Variants in ERBB4 observed in about 807,000 individuals in gnomAD.
ERBB4 encodes the protein receptor tyrosine-protein kinase erbB-4.
In ERBB4, 42 loss-of-function variants were observed where a neutral mutation model predicts 158.0. That is an observed-to-expected ratio of 0.27 (90% confidence interval 0.21 to 0.34). The LOEUF (loss-of-function observed/expected upper bound fraction) is 0.34. ERBB4 is among the 10% of genes least tolerant of loss of function. ERBB4 has a pLI of 1.00. For synonymous variants in ERBB4, 583 were observed against 558.7 expected (o/e 1.04, Z -0.61); for missense variants, 1,333 against 1,624.1 (o/e 0.82, Z 3.08).
At chr2:211,820,621 C>G in intron 3 of ERBB4, among the ~76,000 whole-genome samples, 1 of 151,714 alleles carries the variant, frequency 6.6e-6, no homozygotes, top group East Asian at 1.9e-4. Context: ...TAGGCAAAGA[C>G]ACAGTAAAAC....
chr2:212,177,724 G>A (rs2081717061), intron 1 of ERBB4, among the ~76,000 whole-genome samples: 1 of 151,870 alleles, frequency 6.6e-6, no homozygotes, highest in Non-Finnish European at 1.5e-5. Context: ...ACAGTTGTGA[G>A]CAAATCATAT....
At chr2:211,439,282 A>G (rs1461455177) in intron 20 of ERBB4, among the ~76,000 whole-genome samples, 3 of 152,196 alleles carry the variant, frequency 2.0e-5, no homozygotes, top group Admixed American at 2.0e-4. Flanking sequence ...TACTGATGCC[A>G]GGCAAATTTC....
chr2:212,471,160 G>C (rs1215470732), intron 1 of ERBB4, among the ~76,000 whole-genome samples: 1 of 151,970 alleles, frequency 6.6e-6, no homozygotes, highest in Non-Finnish European at 1.5e-5. Context: ...GATTGAAGTG[G>C]TGCCTTTGTC....
chr2:211,571,041 C>CTTTTTTTTTTTT (rs549254649), intron 19 of ERBB4, among the ~76,000 whole-genome samples: 28 of 109,076 alleles, frequency 2.6e-4, no homozygotes, highest in African/African-American at 9.9e-4. Context: ...TACTCTTCTT[C>CTTTTTTTTTTTT]TTTTTTTTTT....
In ERBB4 at chr2:211,942,624, T is replaced by C. The variant is rs372583161; in HGVS notation, c.421+4806A>G. On this transcript the variant is annotated intron_variant, in intron 3 of 27. Coordinates refer to ENST00000342788, the MANE Select transcript of ERBB4 (RefSeq NM_005235.3). ...TCGGTATTCTACTTTTTGTTTTAAA[T>C]TTTTGTTTGTCCATACCTCAGATAA... Among the ~76,000 whole-genome samples the C allele has an allele frequency of 8.8e-4, 134 of 152,252 alleles. 3 individuals carry two copies. In the South Asian group the frequency reaches 0.025, roughly 28 times the overall value.
intron 1 of ERBB4, among the ~76,000 whole-genome samples, chr2:212,283,099 C>T (rs918113468): frequency 4.6e-5 from 7 of 151,846 alleles, no homozygotes; most frequent in Non-Finnish European, 2.9e-5. Context: ...AATCTCAGGG[C>T]ATTAACTGCT....
intron 3 of ERBB4, among the ~76,000 whole-genome samples, chr2:211,906,248 C>CT (rs1342736783): frequency 6.6e-6 from 1 of 151,998 alleles, no homozygotes; most frequent in Non-Finnish European, 1.5e-5. Context: ...ATGTAGGATT[C>CT]TGCATATATT....
At chr2:212,536,066 GCA>G (rs1693040938) in intron 1 of ERBB4, among the ~76,000 whole-genome samples, 1 of 152,070 alleles carries the variant, frequency 6.6e-6, no homozygotes, top group African/African-American at 2.4e-5. Context: ...TCGCCCTCTG[GCA>G]GCTTAGTTTA....
At chr2:212,274,435 C>T (rs573009334) in intron 1 of ERBB4, among the ~76,000 whole-genome samples, 3 of 151,946 alleles carry the variant, frequency 2.0e-5, no homozygotes, top group African/African-American at 7.2e-5. Context: ...ATGAACTGCT[C>T]ATGCTGAGAT....
At chr2:212,024,427 G>T (rs1287022937) in intron 2 of ERBB4, among the ~76,000 whole-genome samples, 3 of 151,812 alleles carry the variant, frequency 2.0e-5, no homozygotes, top group Non-Finnish European at 4.4e-5. Flanking sequence ...GAAAATCAAT[G>T]TTAATAACCA....
At chr2:212,193,016 A>T (rs1187442405) in intron 1 of ERBB4, among the ~76,000 whole-genome samples, 1 of 152,170 alleles carries the variant, frequency 6.6e-6, no homozygotes, top group African/African-American at 2.4e-5. Context: ...ACCTTGGAAA[A>T]TTACAATTAA....
At chr2:212,447,999 C>T (rs958435250) in intron 1 of ERBB4, among the ~76,000 whole-genome samples, 2 of 152,150 alleles carry the variant, frequency 1.3e-5, no homozygotes, top group Admixed American at 1.3e-4. Flanking sequence ...TTCAGTATCA[C>T]ATAGAATGTC....
intron 1 of ERBB4, among the ~76,000 whole-genome samples, chr2:212,270,520 C>A (rs2085304676): frequency 1.3e-5 from 2 of 151,644 alleles, no homozygotes; most frequent in Admixed American, 6.6e-5. Flanking sequence ...ATAGTTCTCC[C>A]ATTGAAAAAT....
chr2:211,450,573 A>G (rs1243656624), intron 20 of ERBB4, among the ~76,000 whole-genome samples: 1 of 152,218 alleles, frequency 6.6e-6, no homozygotes, highest in African/African-American at 2.4e-5. Context: ...TACTATCAAC[A>G]TTACTTAATG....
intron 1 of ERBB4, among the ~76,000 whole-genome samples, chr2:212,128,514 C>T (rs2080010965): frequency 6.6e-6 from 1 of 152,136 alleles, no homozygotes. Flanking sequence ...TTAGAGATGG[C>T]TGAGAACTGA....
intron 5 of ERBB4, among the ~76,000 whole-genome samples, chr2:211,737,909 A>G (rs2074655479): frequency 1.3e-5 from 2 of 152,108 alleles, no homozygotes; most frequent in Admixed American, 1.3e-4. Flanking sequence ...ATATTATACT[A>G]TTGTATGAAT....
chr2:211,845,586 A>G (rs1248726544), intron 3 of ERBB4, among the ~76,000 whole-genome samples: 2 of 152,132 alleles, frequency 1.3e-5, no homozygotes, highest in African/African-American at 4.8e-5. Context: ...GCTTGTGTGG[A>G]CCATGATTAC....
At chr2:211,992,241 A>G (rs1221610531) in intron 2 of ERBB4, among the ~76,000 whole-genome samples, 1 of 152,122 alleles carries the variant, frequency 6.6e-6, no homozygotes, top group Non-Finnish European at 1.5e-5. Context: ...ACAGTTCCAC[A>G]TGGCTTAGGA....
intron 3 of ERBB4, among the ~76,000 whole-genome samples, chr2:211,836,787 A>T (rs920726028): frequency 2.6e-5 from 4 of 152,002 alleles, no homozygotes; most frequent in African/African-American, 9.7e-5. Flanking sequence ...CTTGCTATAT[A>T]TTATTATATA....
Sources: gnomAD v4.1 joint callset for allele counts (sites outside exome capture counted in the v4.1 genomes callset) on GRCh38, gnomAD v4.1.1 for gene constraint, MANE v1.5 for transcripts, NCBI Gene and HGNC (gene_info 2026-07-23, HGNC 2026-07-21) for gene names.